PLA1A: variants seen among roughly 807,000 people sequenced by gnomAD.
PLA1A encodes phosphatidylserine-specific phospholipase A1alpha.
A neutral mutation model predicts 49.4 loss-of-function variants in PLA1A; 47 were observed. That is an observed-to-expected ratio of 0.95 (90% CI 0.75 to 1.21). The LOEUF is 1.21. PLA1A is among the 50% of genes most tolerant of loss of function. The pLI, the probability that PLA1A is intolerant of heterozygous loss-of-function variation, is 0.00. For missense variants in PLA1A, 561 were observed against 563.9 expected (o/e 0.99, Z 0.05); for synonymous variants, 224 against 207.9 (o/e 1.08, Z -0.67).
At chr3:119,598,024 A>G (rs762154829) in intron 1 of PLA1A, 38 bp downstream of exon 1, 3 of 1,315,602 alleles carry the variant, frequency 2.3e-6, no homozygotes, top group Admixed American at 3.8e-5. Context: ...AACTTATTTC[A>G]GTCAGTGATC....
At chr3:119,611,346 C>T (rs1189259655) in intron 4 of PLA1A, among the ~76,000 whole-genome samples, 1 of 152,030 alleles carries the variant, frequency 6.6e-6, no homozygotes, top group Non-Finnish European at 1.5e-5. Context: ...TTTTATAATT[C>T]TGTGAAAAAT....
intron 2 of PLA1A, among the ~76,000 whole-genome samples, chr3:119,608,220 AAGAAAG>A (rs2082715265): frequency 1.2e-5 from 1 of 80,722 alleles, no homozygotes; most frequent in South Asian, 3.9e-4. Context: ...GAAAGAAAGA[AAGAAAG>A]AGAGAGAAAG....
At chr3:119,600,888 G>A (rs758844997) in intron 1 of PLA1A, among the ~76,000 whole-genome samples, 1 of 152,250 alleles carries the variant, frequency 6.6e-6, no homozygotes, top group Non-Finnish European at 1.5e-5. Flanking sequence ...GAAGCAGCCT[G>A]TGACACCAGC....
At chr3:119,617,891 G>A in intron 6 of PLA1A, 128 bp from the exon 7 acceptor site, 2 of 630,442 alleles carry the variant, frequency 3.2e-6, no homozygotes, top group Non-Finnish European at 5.4e-6. Flanking sequence ...CTGAAAAAGT[G>A]ATTTGAGGGG....
At chr3:119,627,131 C>T (rs1297927082) in intron 9 of PLA1A, among the ~76,000 whole-genome samples, 1 of 152,234 alleles carries the variant, frequency 6.6e-6, no homozygotes, top group Admixed American at 6.5e-5. Flanking sequence ...TAATTCCAGT[C>T]AACATCCACA....
At chr3:119,602,431 G>A (rs2082629437) in intron 1 of PLA1A, among the ~76,000 whole-genome samples, 1 of 152,066 alleles carries the variant, frequency 6.6e-6, no homozygotes, top group African/African-American at 2.4e-5. Flanking sequence ...AGTATTTTCA[G>A]TTTTGGGGTG....
intron 9 of PLA1A, among the ~76,000 whole-genome samples, chr3:119,625,820 G>A (rs989456838): frequency 2.0e-5 from 3 of 152,164 alleles, no homozygotes; most frequent in Admixed American, 1.3e-4. Flanking sequence ...GGGGCTGGTG[G>A]GACTACGCTT....
chr3:119,600,121 G>A (rs1230965326), intron 1 of PLA1A: 6 of 471,798 alleles, frequency 1.3e-5, no homozygotes, highest in Non-Finnish European at 2.3e-5. Flanking sequence ...GAAAGGAAGA[G>A]CTCAAATGAT....
intron 4 of PLA1A, 125 bp downstream of exon 4, chr3:119,609,701 AC>A: frequency 3.8e-6 from 2 of 531,064 alleles, no homozygotes; most frequent in Non-Finnish European, 6.8e-6. Flanking sequence ...GTCACCTATT[AC>A]CACTAAAATT....
intron 7 of PLA1A, 22 bp from the exon 8 acceptor site, chr3:119,619,541 G>C (rs773900949): frequency 6.4e-7 from 1 of 1,573,810 alleles, no homozygotes; most frequent in Non-Finnish European, 8.7e-7. Context: ...GGACTCTGCT[G>C]TCTTTGCTTC....
At chr3:119,612,214 T>G (rs1363597664) in intron 4 of PLA1A, among the ~76,000 whole-genome samples, 3 of 152,206 alleles carry the variant, frequency 2.0e-5, no homozygotes, top group Non-Finnish European at 2.9e-5. Context: ...TCCCTCACCA[T>G]GCTTTCTGAG....
intron 5 of PLA1A, among the ~76,000 whole-genome samples, chr3:119,615,606 G>A (rs1426013038): frequency 6.6e-6 from 1 of 152,050 alleles, no homozygotes. Context: ...GAGGTCAAGA[G>A]TTCAAGACCA....
chr3:119,627,645 G>A (rs2052562136), intron 9 of PLA1A, among the ~76,000 whole-genome samples: 1 of 152,088 alleles, frequency 6.6e-6, no homozygotes, highest in Non-Finnish European at 1.5e-5. Flanking sequence ...CCCCCGCCGA[G>A]AGGAACGCAG....
chr3:119,619,688 A>C, intron 8 of PLA1A, 36 bp downstream of exon 8: 1 of 1,403,106 alleles, frequency 7.1e-7, no homozygotes, highest in African/African-American at 1.4e-5. Flanking sequence ...CAGCTCTGCC[A>C]GGGCACCACC....
At chr3:119,625,480 G>A (rs1392576943) in intron 9 of PLA1A, among the ~76,000 whole-genome samples, 1 of 152,168 alleles carries the variant, frequency 6.6e-6, no homozygotes, top group African/African-American at 2.4e-5. Context: ...GGGATGGCAT[G>A]TCCCAACAGA....
At chr3:119,625,702 G>T (rs1332311057) in intron 9 of PLA1A, among the ~76,000 whole-genome samples, 1 of 152,218 alleles carries the variant, frequency 6.6e-6, no homozygotes, top group Admixed American at 6.5e-5. Flanking sequence ...AGTCAGCAAC[G>T]GAGTGCGAGC....
At chr3:119,608,349 A>G (rs1323098782) in intron 2 of PLA1A, among the ~76,000 whole-genome samples, 1 of 152,220 alleles carries the variant, frequency 6.6e-6, no homozygotes, top group Admixed American at 6.5e-5. Flanking sequence ...GAGAATTAAG[A>G]TCGCAAATCT....
chr3:119,608,264 G>GAAA (rs2082719018), intron 2 of PLA1A, among the ~76,000 whole-genome samples: 1 of 148,236 alleles, frequency 6.7e-6, no homozygotes, highest in African/African-American at 2.5e-5. Flanking sequence ...AAGAAAGAAA[G>GAAA]AAAGAAAGAA....
chr3:119,618,904 T>G (rs2082890460), intron 7 of PLA1A, among the ~76,000 whole-genome samples: 1 of 152,188 alleles, frequency 6.6e-6, no homozygotes, highest in East Asian at 1.9e-4. Context: ...GGTACCAGCT[T>G]GACAAAATAG....
Sources: allele counts gnomAD v4.1 joint callset (sites outside exome capture counted in the v4.1 genomes callset), GRCh38; gene constraint gnomAD v4.1.1; transcripts MANE v1.5; gene names NCBI Gene and HGNC (gene_info 2026-07-23, HGNC 2026-07-21).